MAML3: variants seen among roughly 807,000 people sequenced by gnomAD.
MAML3 encodes mastermind-like protein 3.
MAML3 carries 27 observed loss-of-function variants against 101.9 expected under a neutral mutation model. The ratio of observed to expected loss-of-function variants is 0.27; its 90% confidence interval spans 0.20 to 0.37. The LOEUF is 0.37. Among genes scored for constraint, MAML3 ranks in the 10% least tolerant of loss-of-function variants. MAML3 has a pLI of 1.00. For missense variants in MAML3, 1,316 were observed against 1,444.9 expected, an observed-to-expected ratio of 0.91 and a Z score of 1.45; for synonymous variants, 501 against 555.9, an observed-to-expected ratio of 0.90 and a Z score of 1.39.
At chr4:139,945,393 T>G (rs1194536444) in intron 1 of MAML3, among the ~76,000 whole-genome samples, 1 of 152,210 alleles carries the variant, frequency 6.6e-6, no homozygotes, top group Non-Finnish European at 1.5e-5. Flanking sequence ...TTATTTTTAT[T>G]TTTTTAAAAA....
chr4:139,971,814 TA>T (rs1051506095), intron 1 of MAML3, among the ~76,000 whole-genome samples: 1 of 151,910 alleles, frequency 6.6e-6, no homozygotes, highest in African/African-American at 2.4e-5. Context: ...GAAGACACCT[TA>T]AAAAAAATCA....
chr4:140,074,137 A>C (rs1251415210), intron 1 of MAML3, among the ~76,000 whole-genome samples: 1 of 148,226 alleles, frequency 6.7e-6, no homozygotes, highest in East Asian at 2.0e-4. Flanking sequence ...AAAAAGAAAG[A>C]AAAAGAAAGA....
At chr4:139,744,544 T>G (rs992176005) in intron 2 of MAML3, among the ~76,000 whole-genome samples, 1 of 152,180 alleles carries the variant, frequency 6.6e-6, no homozygotes, top group Non-Finnish European at 1.5e-5. Flanking sequence ...TAGAACACAA[T>G]GTGTGGCGTG....
chr4:140,086,132 G>A (rs1161205540), intron 1 of MAML3, among the ~76,000 whole-genome samples: 1 of 152,184 alleles, frequency 6.6e-6, no homozygotes, highest in Non-Finnish European at 1.5e-5. Context: ...TCCAATTTAA[G>A]AGGATCTCTC....
At chr4:139,917,398 A>T (rs1462434592) in intron 1 of MAML3, among the ~76,000 whole-genome samples, 1 of 152,178 alleles carries the variant, frequency 6.6e-6, no homozygotes, top group East Asian at 1.9e-4. Context: ...GATCACTCTC[A>T]TCAGGTGGCA....
intron 1 of MAML3, among the ~76,000 whole-genome samples, chr4:140,145,708 G>T (rs1729047574): frequency 6.6e-6 from 1 of 151,922 alleles, no homozygotes; most frequent in Non-Finnish European, 1.5e-5. Flanking sequence ...TGGGATTATA[G>T]ACATGCGCCA....
intron 2 of MAML3, among the ~76,000 whole-genome samples, chr4:139,819,178 C>T (rs979143700): frequency 6.6e-6 from 1 of 151,958 alleles, no homozygotes; most frequent in African/African-American, 2.4e-5. Flanking sequence ...GGGCCTGGAG[C>T]GGGGAGAGTG....
intron 2 of MAML3, among the ~76,000 whole-genome samples, chr4:139,872,370 G>T (rs951323217): frequency 6.6e-6 from 1 of 152,196 alleles, no homozygotes; most frequent in African/African-American, 2.4e-5. Context: ...ATTTGAATGG[G>T]AAATGGAAAG....
chr4:139,908,006 A>G (rs976793326), intron 1 of MAML3, among the ~76,000 whole-genome samples: 13 of 152,166 alleles, frequency 8.5e-5, no homozygotes, highest in African/African-American at 2.7e-4. Flanking sequence ...TGGTGGACCT[A>G]TTGTAAGCTT....
At chr4:139,913,850 A>G (rs2111226567) in intron 1 of MAML3, among the ~76,000 whole-genome samples, 1 of 152,330 alleles carries the variant, frequency 6.6e-6, no homozygotes, top group South Asian at 2.1e-4. Flanking sequence ...TCATAAAAAC[A>G]AACACAAAGC....
At chr4:139,756,485 C>G (rs980542824) in intron 2 of MAML3, among the ~76,000 whole-genome samples, 1 of 152,136 alleles carries the variant, frequency 6.6e-6, no homozygotes, top group Admixed American at 6.5e-5. Flanking sequence ...AAGAATTATA[C>G]CTGAGAGTCA....
At chr4:140,113,356 C>T (rs758881765) in intron 1 of MAML3, among the ~76,000 whole-genome samples, 8 of 152,120 alleles carry the variant, frequency 5.3e-5, no homozygotes, top group Non-Finnish European at 1.2e-4. Flanking sequence ...TAGGGCCCCT[C>T]GCTGAACCTT....
chr4:139,750,168 C>T lies in MAML3; in HGVS notation c.2080-19501G>A, dbSNP rs541932977. ...GTAGCTCATTGCCCACATGATATTTCAATGCTAAGTGAAGAGAAAGGGAGG... is the reference window on the plus strand; with the variant it reads ...GTAGCTCATTGCCCACATGATATTTTAATGCTAAGTGAAGAGAAAGGGAGG... On this transcript the variant is annotated intron_variant, in intron 2 of 4. Coordinates refer to ENST00000509479, the MANE Select transcript of MAML3 (RefSeq NM_018717.5). 2.0e-5 allele frequency among the ~76,000 whole-genome samples: 3 copies of T among 152,264 alleles called. No homozygotes were observed. In the East Asian group the frequency reaches 5.8e-4, roughly 29 times the overall value.
At chr4:140,032,824 C>G (rs1003751847) in intron 1 of MAML3, among the ~76,000 whole-genome samples, 3 of 149,944 alleles carry the variant, frequency 2.0e-5, no homozygotes, top group Non-Finnish European at 4.4e-5. Flanking sequence ...TTCCAAAGTT[C>G]CTTACAATGA....
At chr4:139,755,906 TC>T (rs1343917552) in intron 2 of MAML3, among the ~76,000 whole-genome samples, 1 of 152,218 alleles carries the variant, frequency 6.6e-6, no homozygotes, top group Non-Finnish European at 1.5e-5. Context: ...CACTGTGGGG[TC>T]CAAAGTTGGT....
chr4:139,939,502 CT>C (rs1733560849), intron 1 of MAML3, among the ~76,000 whole-genome samples: 1 of 152,130 alleles, frequency 6.6e-6, no homozygotes, highest in Non-Finnish European at 1.5e-5. Context: ...CCCACCTCCC[CT>C]GGTCAGCTCT....
At chr4:140,021,573 T>C (rs910552727) in intron 1 of MAML3, among the ~76,000 whole-genome samples, 1 of 152,204 alleles carries the variant, frequency 6.6e-6, no homozygotes, top group African/African-American at 2.4e-5. Flanking sequence ...TCTACCCATA[T>C]TCCTTACCTA....
At chr4:140,094,530 A>C (rs1728119104) in intron 1 of MAML3, among the ~76,000 whole-genome samples, 1 of 152,204 alleles carries the variant, frequency 6.6e-6, no homozygotes, top group African/African-American at 2.4e-5. Context: ...TCTAATTAAG[A>C]AAACCTTAAA....
intron 1 of MAML3, among the ~76,000 whole-genome samples, chr4:140,041,647 G>A (rs1038502156): frequency 3.9e-5 from 6 of 152,168 alleles, no homozygotes; most frequent in Non-Finnish European, 7.4e-5. Context: ...TGGAAGAGAA[G>A]GGAAGAGAGG....
Sources: gnomAD v4.1 joint callset for allele counts (sites outside exome capture counted in the v4.1 genomes callset) on GRCh38, gnomAD v4.1.1 for gene constraint, MANE v1.5 for transcripts, NCBI Gene and HGNC (gene_info 2026-07-23, HGNC 2026-07-21) for gene names.